Variants in DOCK2 observed in about 807,000 individuals in gnomAD.
DOCK2 encodes the protein dedicator of cytokinesis protein 2.
In DOCK2, 87 loss-of-function variants were observed where a neutral mutation model predicts 248.9. That is an observed-to-expected ratio of 0.35 (90% CI 0.29 to 0.42). DOCK2 has a LOEUF of 0.42. Among genes scored for constraint, DOCK2 ranks in the 10% least tolerant of loss-of-function variants. The pLI is 1.00. For synonymous variants in DOCK2, 805 were observed against 821.6 expected, an observed-to-expected ratio of 0.98 and a Z score of 0.35; for missense variants, 1,747 against 2,300.2, an observed-to-expected ratio of 0.76 and a Z score of 4.92.
chr5:170,080,851 A>C (rs908197502), intron 50 of DOCK2: 3 of 154,204 alleles, frequency 1.9e-5, no homozygotes, highest in Non-Finnish European at 4.3e-5. Context: ...AGAGCACTCC[A>C]TCTGGTAGGC....
chr5:170,007,997 A>G (rs1554125531), intron 30 of DOCK2, among the ~76,000 whole-genome samples: 1 of 152,106 alleles, frequency 6.6e-6, no homozygotes. Context: ...AAGGCAAAAT[A>G]TTTTAAGACA....
At chr5:169,993,269 C>T (rs1224558797) in intron 29 of DOCK2, among the ~76,000 whole-genome samples, 4 of 152,118 alleles carry the variant, frequency 2.6e-5, no homozygotes, top group Admixed American at 2.6e-4. Flanking sequence ...GATGGGGTGG[C>T]AGATTTTGTG....
intron 27 of DOCK2, chr5:169,934,614 T>A: frequency 2.2e-6 from 1 of 456,104 alleles, no homozygotes; most frequent in Non-Finnish European, 4.4e-6. Flanking sequence ...TTGGGCAAGA[T>A]ACTTCCCCTT....
intron 27 of DOCK2, chr5:169,934,749 G>A: frequency 2.2e-6 from 1 of 455,794 alleles, no homozygotes; most frequent in South Asian, 1.6e-5. Flanking sequence ...CACGGGATCA[G>A]TGCTCAGTAA....
chr5:169,880,186 A>G lies in DOCK2; in HGVS notation c.2799+39334A>G, dbSNP rs554235406. On this transcript the variant is annotated intron_variant, in intron 27 of 51. Transcript: ENST00000520908. ...AAAGGAAGACTTCACATTGAGGTGAAAGGCATTTATCTGTGAGCAGTCCTG... is the reference window on the plus strand; with the variant it reads ...AAAGGAAGACTTCACATTGAGGTGAGAGGCATTTATCTGTGAGCAGTCCTG... Among the ~76,000 whole-genome samples, 7 of 152,332 alleles carry G rather than the reference A, an allele frequency of 4.6e-5. No individual in the cohort carries two copies. In the East Asian group the frequency reaches 1.4e-3, roughly 29 times the overall value.
In DOCK2 at chr5:169,657,158, C is replaced by A. The variant is rs537503571; in HGVS notation, c.127+2672C>A. Among the ~76,000 whole-genome samples the A allele has an allele frequency of 7.7e-4, 117 of 152,224 alleles. 1 individual carries two copies. Among genetic ancestry groups the A allele is most frequent in the African/African-American group, 2.7e-3 (111 of 41,530 alleles). Reference sequence around the variant, plus strand: ...TCTCATGCATACACTCATGGCCATGCAGAGTTTTCAAATAGGGGATCCAAA... The same window carrying A: ...TCTCATGCATACACTCATGGCCATGAAGAGTTTTCAAATAGGGGATCCAAA... On this transcript the variant is annotated intron_variant, in intron 2 of 51. Transcript: ENST00000520908.
At chr5:169,761,300 T>C (rs1037876466) in intron 24 of DOCK2, 1 of 508,542 alleles carries the variant, frequency 2.0e-6, no homozygotes, top group Admixed American at 3.3e-5. Context: ...TGCTCAGGGC[T>C]ATGGGTATTT....
rs1581527391 is a variant in DOCK2, at chr5:170,013,735, A to T, written c.3232+4989A>T. ...AAGTATTACACTTATTACAAAATAA[A>T]TGTGTACTGTTTTAATTTACTAAGT... On this transcript the variant is annotated intron_variant, in intron 32 of 51. Transcript: ENST00000520908. Among the ~76,000 whole-genome samples the T allele has an allele frequency of 2.0e-5, 3 of 152,134 alleles. No individual in the cohort carries two copies. The East Asian group carries it at 5.8e-4, about 29-fold the overall frequency.
At chr5:169,657,660 G>A (rs1158583394) in intron 2 of DOCK2, among the ~76,000 whole-genome samples, 3 of 152,184 alleles carry the variant, frequency 2.0e-5, no homozygotes, top group African/African-American at 7.2e-5. Flanking sequence ...GAGATTTGGT[G>A]GCATCAGAAG....
intron 25 of DOCK2, among the ~76,000 whole-genome samples, chr5:169,792,515 T>C (rs1715691560): frequency 6.6e-6 from 1 of 152,082 alleles, no homozygotes; most frequent in Non-Finnish European, 1.5e-5. Flanking sequence ...TCTTGTTATG[T>C]TGCCCAGGCT....
At chr5:169,703,606 C>T (rs1314372679) in intron 14 of DOCK2, among the ~76,000 whole-genome samples, 1 of 152,146 alleles carries the variant, frequency 6.6e-6, no homozygotes, top group African/African-American at 2.4e-5. Context: ...GATTCATAAT[C>T]GTTTTTTAAA....
intron 25 of DOCK2, among the ~76,000 whole-genome samples, chr5:169,801,159 T>G (rs796887331): frequency 8.3e-5 from 8 of 95,850 alleles, no homozygotes; most frequent in South Asian, 3.5e-4. Flanking sequence ...TTTTTTTTTT[T>G]TTTTTTTTTT....
At position 169,698,426 on chromosome 5, in the gene DOCK2, G is replaced by A; in HGVS notation, c.1032G>A (p.Lys344=). 6.2e-7 allele frequency: 1 copy of A among 1,614,058 alleles called. No homozygotes were observed. The highest frequency in any genetic ancestry group is 1.1e-5 in the South Asian group (1 of 91,084). ...IKGKAESDEE[K]QHFIPFHPVT... Reference sequence around the variant, plus strand: ...GGAAAGCAGAGAGTGATGAAGAAAAGCAGCACTTCATTCCTTTTCACCCGT... The same window carrying A: ...GGAAAGCAGAGAGTGATGAAGAAAAACAGCACTTCATTCCTTTTCACCCGT... Residue 344 remains lysine (K), a synonymous_variant, in exon 11 of 52, where the codon AAG becomes AAA. Transcript: ENST00000520908.
Position 169,754,574 on chromosome 5 carries a change from G to A in DOCK2, c.2377-5131G>A, listed in dbSNP as rs114811236. Among the ~76,000 whole-genome samples the A allele has an allele frequency of 7.3e-3, 1,117 of 152,272 alleles. 21 individuals are homozygous for A. Among genetic ancestry groups the A allele is most frequent in the African/African-American group, 0.025 (1,055 of 41,548 alleles). On this transcript the variant is annotated intron_variant, in intron 23 of 51. Transcript: ENST00000520908. ...TTTTCAAAAACTATTCTTACAAAGG[G>A]TGGGGGAAGCTCTTTTTCCACTTCC...
chr5:169,748,017 G>A (rs969101978), intron 23 of DOCK2, among the ~76,000 whole-genome samples: 3 of 152,212 alleles, frequency 2.0e-5, no homozygotes, highest in Admixed American at 6.5e-5. Flanking sequence ...GAATGAAGAG[G>A]CTGTTTCAGG....
chr5:170,057,066 G>A, intron 43 of DOCK2: 1 of 400,894 alleles, frequency 2.5e-6, no homozygotes, highest in Non-Finnish European at 4.5e-6. Flanking sequence ...AAGGGGTGTT[G>A]ATAAAATCAA....
Position 169,843,238 on chromosome 5 carries a change from C to T in DOCK2, c.2799+2386C>T, listed in dbSNP as rs115864978. 9.4e-3 allele frequency among the ~76,000 whole-genome samples: 1,438 copies of T among 152,312 alleles called. 25 individuals carry two copies. The highest frequency in any genetic ancestry group is 0.033 in the African/African-American group (1,353 of 41,560). On this transcript the variant is annotated intron_variant, in intron 27 of 51. Coordinates refer to ENST00000520908, the MANE Select transcript of DOCK2 (RefSeq NM_004946.3). ...GAAATCCTACCTAGTTTTCCAGGTC[C>T]AGCACAAATGTACGAAGCTGCTCTA...
At chr5:169,826,300 A>G (rs1431224624) in intron 26 of DOCK2, among the ~76,000 whole-genome samples, 4 of 152,176 alleles carry the variant, frequency 2.6e-5, no homozygotes, top group Non-Finnish European at 5.9e-5. Context: ...TGAGCTCCCA[A>G]AGATGATGAC....
intron 27 of DOCK2, among the ~76,000 whole-genome samples, chr5:169,894,338 C>T (rs559621116): frequency 2.6e-5 from 4 of 152,204 alleles, no homozygotes; most frequent in African/African-American, 7.2e-5. Flanking sequence ...CTTAGAGGTG[C>T]CTTGGGTGGG....
Sources: gnomAD v4.1 joint callset for allele counts (sites outside exome capture counted in the v4.1 genomes callset) on GRCh38, gnomAD v4.1.1 for gene constraint, MANE v1.5 for transcripts, NCBI Gene and HGNC (gene_info 2026-07-23, HGNC 2026-07-21) for gene names.